Variants in NLRP3 observed in about 807,000 individuals in gnomAD.
The protein encoded by NLRP3 is NLR family pyrin domain containing 3.
NLRP3 carries 48 observed loss-of-function variants against 91.3 expected under a neutral mutation model. The observed-to-expected ratio is 0.53, with a 90% CI of 0.42 to 0.67. The LOEUF (loss-of-function observed/expected upper bound fraction) is 0.67. Ranked by LOEUF, NLRP3 falls within the 30% of genes least tolerant of loss-of-function variation. The probability of loss-of-function intolerance (pLI) is 0.00; values close to 1 mark genes in which losing one functional copy is unlikely to be tolerated. For missense variants in NLRP3, 982 were observed against 1,276.9 expected, an observed-to-expected ratio of 0.77 and a Z score of 3.52; for synonymous variants, 561 against 507.9, an observed-to-expected ratio of 1.10 and a Z score of -1.41.
At chr1:247,448,338 T>A in intron 9 of NLRP3, 67 bp from the exon 10 acceptor site, 1 of 813,432 alleles carries the variant, frequency 1.2e-6, no homozygotes, top group South Asian at 1.3e-5. Flanking sequence ...GATGAGACTT[T>A]TAAGGTTAAC....
chr1:247,435,577 A>C (rs1663728476), intron 6 of NLRP3, among the ~76,000 whole-genome samples: 1 of 152,180 alleles, frequency 6.6e-6, no homozygotes, highest in Non-Finnish European at 1.5e-5. Flanking sequence ...GAGTGGGAAG[A>C]CATTGTTTAA....
rs900018961 is a variant in NLRP3, at chr1:247,425,250, C to G, written c.1801C>G (p.Gln601Glu). The change falls in exon 4 of 10, where the codon CAA (glutamine) becomes GAA (glutamate). Residue 601 changes from glutamine (Q) to glutamate (E), a missense_variant. Coordinates refer to ENST00000336119, the MANE Select transcript of NLRP3 (RefSeq NM_001243133.2). This position sits in a 1 kb window ranked among gnomAD's most constrained non-coding sequence, Gnocchi z 4.1. ...GAAATTAAGTTGCAAGATCTCTCAG[C>G]AAATCAGGCTGGAGCTGCTGAAATG... is the stretch of plus-strand genomic sequence containing the variant. ...EKKLSCKISQQIRLELLKWIE... is the reference protein window; with the variant it reads ...EKKLSCKISQEIRLELLKWIE... 3.7e-6 allele frequency: 6 copies of G among 1,614,082 alleles called. No homozygotes were observed. In the African/African-American group the frequency reaches 6.7e-5, roughly 18 times the overall value.
chr1:247,446,924 C>A (rs979940463), intron 9 of NLRP3, among the ~76,000 whole-genome samples: 4 of 152,148 alleles, frequency 2.6e-5, no homozygotes, highest in African/African-American at 9.7e-5. Context: ...GCAGGACAAG[C>A]CAATATTCCC....
intron 5 of NLRP3, among the ~76,000 whole-genome samples, chr1:247,430,433 CA>C (rs34862544): frequency 0.35 from 52,482 of 151,480 alleles, 10,128 homozygotes; most frequent in South Asian, 0.45. Flanking sequence ...CACAGTCAGG[CA>C]TGACTACACA....
rs1408989747 is a variant in NLRP3, at chr1:247,425,444, C to A, written c.1995C>A (p.Ser665=). 4.3e-6 allele frequency: 7 copies of A among 1,614,206 alleles called. No individual in the cohort carries two copies. Among genetic ancestry groups the A allele is most frequent in the Non-Finnish European group, 1.7e-6 (2 of 1,180,036 alleles). ...CCAGAATGGACCACATGGTTTCTTC[C>A]TTTTGCATTGAGAACTGTCATCGGG... The part of the protein sequence containing the change: ...LSTRMDHMVS[S]FCIENCHRVE... The change falls in exon 4 of 10, where the codon TCC becomes TCA. Residue 665 remains serine, a synonymous_variant. Transcript: ENST00000336119. This position sits in a 1 kb window ranked among gnomAD's most constrained non-coding sequence, Gnocchi z 4.1.
At chr1:247,436,231 C>A in intron 7 of NLRP3, 91 bp downstream of exon 7, 1 of 1,303,898 alleles carries the variant, frequency 7.7e-7, no homozygotes, top group Non-Finnish European at 1.1e-6. Flanking sequence ...TTTGGTCAGG[C>A]AGAGCTGAAG....
chr1:247,447,368 C>T (rs1164041658), intron 9 of NLRP3, among the ~76,000 whole-genome samples: 1 of 152,194 alleles, frequency 6.6e-6, no homozygotes, highest in African/African-American at 2.4e-5. Flanking sequence ...GGGCCCCACC[C>T]TCACAACTTC....
At chr1:247,435,039 G>T (rs1663679150) in intron 6 of NLRP3, among the ~76,000 whole-genome samples, 1 of 152,132 alleles carries the variant, frequency 6.6e-6, no homozygotes, top group African/African-American at 2.4e-5. Context: ...ATCACTGGAG[G>T]TCGGGAGTTC....
At chr1:247,441,964 CT>C (rs970309549) in intron 7 of NLRP3, among the ~76,000 whole-genome samples, 53 of 152,334 alleles carry the variant, frequency 3.5e-4, no homozygotes, top group African/African-American at 1.2e-3. Flanking sequence ...CTCTTTTCCT[CT>C]TTGAAGACCA....
In NLRP3 at chr1:247,425,622, T is replaced by A. The variant is rs1662818856; in HGVS notation, c.2150+23T>A. Reference sequence around the variant, plus strand: ...TGGGTAAGGAAACTCGGCTTCCAGGTGCTTCCTCCTGCTTCCTCGCCAGCT... The same window carrying A: ...TGGGTAAGGAAACTCGGCTTCCAGGAGCTTCCTCCTGCTTCCTCGCCAGCT... On this transcript the variant is annotated intron_variant, in intron 4 of 9. Coordinates refer to ENST00000336119, the MANE Select transcript of NLRP3 (RefSeq NM_001243133.2). This position sits in a 1 kb window ranked among gnomAD's most constrained non-coding sequence, Gnocchi z 4.1. The A allele has an allele frequency of 6.3e-7, 1 of 1,594,618 alleles. No homozygotes were observed. The highest frequency in any genetic ancestry group is 1.7e-5 in the Admixed American group (1 of 59,964).
Position 247,443,827 on chromosome 1 carries a change from C to T in NLRP3, c.2664-145C>T. The T allele has an allele frequency of 5.2e-6, 4 of 767,358 alleles. No individual in the cohort carries two copies. In the South Asian group the frequency reaches 6.0e-5, roughly 12 times the overall value. 47.5% of individuals were successfully genotyped at this position (767,358 alleles called of 1,614,324 possible). Reference sequence around the variant, plus strand: ...GCCAGAGACAGCAGGTCTTGCTCTCCCCAGATCATATCTGAGATGCTGGCT... The same window carrying T: ...GCCAGAGACAGCAGGTCTTGCTCTCTCCAGATCATATCTGAGATGCTGGCT... On this transcript the variant is annotated intron_variant, in intron 7 of 9. Transcript: ENST00000336119.
chr1:247,437,993 C>CA (rs1663917524), intron 7 of NLRP3, among the ~76,000 whole-genome samples: 1 of 152,220 alleles, frequency 6.6e-6, no homozygotes, highest in Non-Finnish European at 1.5e-5. Context: ...AAGCCAATTA[C>CA]AAATGTGCCT....
chr1:247,426,590 G>A (rs1272552044), intron 4 of NLRP3, among the ~76,000 whole-genome samples: 1 of 152,200 alleles, frequency 6.6e-6, no homozygotes, highest in African/African-American at 2.4e-5. Flanking sequence ...ACCATGACCA[G>A]GACCACCTTC....
intron 9 of NLRP3, among the ~76,000 whole-genome samples, chr1:247,447,515 G>A (rs1038325307): frequency 6.6e-6 from 1 of 152,210 alleles, no homozygotes; most frequent in Non-Finnish European, 1.5e-5. Context: ...TATAAATGGT[G>A]CAGGACAAAT....
At position 247,425,770 on chromosome 1, in the gene NLRP3, G is replaced by A. The variant is rs55914518; in HGVS notation, c.2150+171G>A. ...CCTTCATGAGCAAAGATTGATGTAT[G>A]GTAGGTGGATAAATGGGATGAGGAA... On this transcript the variant is annotated intron_variant, in intron 4 of 9. Transcript: ENST00000336119. The surrounding 1 kb of genome is among the most constrained non-coding windows in gnomAD (Gnocchi z 4.1). 2,038 of 658,024 alleles carry A rather than the reference G, an allele frequency of 3.1e-3. 44 individuals carry two copies. In the African/African-American group the frequency reaches 0.034, roughly 11 times the overall value. The allele number at this position is 658,024 out of a possible 1,614,324, so 40.8% of individuals were successfully genotyped here.
At chr1:247,433,072 T>A (rs530707388) in intron 5 of NLRP3, among the ~76,000 whole-genome samples, 2 of 151,968 alleles carry the variant, frequency 1.3e-5, no homozygotes, top group East Asian at 3.9e-4. Context: ...CTAAGCATGG[T>A]AGCACATGCC....
At position 247,436,119 on chromosome 1, in the gene NLRP3, A is replaced by G; in HGVS notation, c.2642A>G (p.Gln881Arg). ...TTATGTGAAAAAGCCAAGAATCCAC[A>G]GTGTAACCTGCAGAAACTGGGGTAA... The part of the protein sequence containing the change: ...AILCEKAKNP[Q>R]CNLQKLGLVN... Residue 881 changes from glutamine (Q) to arginine (R), a missense_variant, in exon 7 of 10, where the codon CAG (glutamine) becomes CGG (arginine). Gln to Arg is a conservative substitution (Grantham distance 43). This residue lies in a region of NLRP3 where 373 missense variants were observed against 431.5 expected (regional missense o/e 0.86). Coordinates refer to ENST00000336119, the MANE Select transcript of NLRP3 (RefSeq NM_001243133.2). The G allele has an allele frequency of 3.1e-6, 5 of 1,614,198 alleles. No homozygotes were observed. Among genetic ancestry groups the G allele is most frequent in the Non-Finnish European group, 4.2e-6 (5 of 1,180,026 alleles).
chr1:247,432,852 G>A (rs1663438235), intron 5 of NLRP3, among the ~76,000 whole-genome samples: 1 of 151,958 alleles, frequency 6.6e-6, no homozygotes, highest in African/African-American at 2.4e-5. Flanking sequence ...TGGTAGTGAT[G>A]TGCGTGTGTG....
chr1:247,435,932 T>C, intron 6 of NLRP3, 38 bp from the exon 7 acceptor site: 1 of 1,607,912 alleles, frequency 6.2e-7, no homozygotes, highest in Non-Finnish European at 8.5e-7. Flanking sequence ...GGAGCGTGGG[T>C]GAGAGACATG....
Sources: allele counts gnomAD v4.1 joint callset (sites outside exome capture counted in the v4.1 genomes callset), GRCh38; gene constraint gnomAD v4.1.1; regional missense constraint gnomAD v4.1.1; non-coding constraint Gnocchi (gnomAD v3.1); transcripts MANE v1.5; gene names NCBI Gene and HGNC (gene_info 2026-07-23, HGNC 2026-07-21).